The following RORA variants were observed in gnomAD, a reference collection of about 807,000 sequenced individuals.
RORA encodes the protein nuclear receptor ROR-alpha.
In RORA, 7 loss-of-function variants were observed where a neutral mutation model predicts 69.5. The observed-to-expected ratio is 0.10, with a 90% confidence interval of 0.06 to 0.19. RORA has a LOEUF of 0.19. Ranked by LOEUF, RORA falls within the 10% of genes least tolerant of loss-of-function variation. RORA has a pLI of 1.00. For missense variants in RORA, 457 were observed against 663.0 expected (o/e 0.69, Z 3.41); for synonymous variants, 261 against 240.8 (o/e 1.08, Z -0.78).
At chr15:61,200,362 G>A (rs1268444716) in intron 1 of RORA, among the ~76,000 whole-genome samples, 4 of 152,166 alleles carry the variant, frequency 2.6e-5, no homozygotes, top group Admixed American at 6.5e-5. Flanking sequence ...GCAAAGGCAT[G>A]CAGAGTGGTG....
At chr15:60,928,315 G>A (rs994744781) in intron 1 of RORA, among the ~76,000 whole-genome samples, 16 of 152,160 alleles carry the variant, frequency 1.1e-4, no homozygotes, top group Admixed American at 3.9e-4. Flanking sequence ...AGTAAATGAG[G>A]GTTTCTTCCA....
intron 2 of RORA, among the ~76,000 whole-genome samples, chr15:60,560,094 T>C (rs1349303413): frequency 6.6e-6 from 1 of 152,128 alleles, no homozygotes; most frequent in South Asian, 2.1e-4. Context: ...AAAAAGTTTA[T>C]CACAGCAACT....
chr15:60,763,961 G>GAGTT (rs2140874914), intron 1 of RORA: 1 of 152,264 alleles, frequency 6.6e-6, no homozygotes, highest in Non-Finnish European at 1.5e-5. Flanking sequence ...TAGAGTGAGT[G>GAGTT]AGAGGACCTC....
chr15:60,695,606 A>G (rs2070891708), intron 1 of RORA, among the ~76,000 whole-genome samples: 1 of 152,192 alleles, frequency 6.6e-6, no homozygotes. Context: ...CCAAGGTAAC[A>G]GAACAAAGAA....
chr15:61,183,533 CAAAAAAAAA>C (rs11392772), intron 1 of RORA, among the ~76,000 whole-genome samples: 2 of 130,688 alleles, frequency 1.5e-5, no homozygotes, highest in African/African-American at 3.0e-5. Flanking sequence ...GAGACTGTTT[CAAAAAAAAA>C]AAAAAAAGGA....
chr15:61,200,981 T>C lies in RORA; in HGVS notation c.166+28072A>G, dbSNP rs140702850. 1.2e-3 allele frequency among the ~76,000 whole-genome samples: 187 copies of C among 152,374 alleles called. 1 individual carries two copies. Among genetic ancestry groups the C allele is most frequent in the African/African-American group, 4.4e-3 (181 of 41,590 alleles). ...GCGGAAGCCGACTTGTTTTAACAAA[T>C]GCAGAAGACTACATATTTTTCCACA... is the stretch of plus-strand genomic sequence containing the variant. On this transcript the variant is annotated intron_variant, in intron 1 of 10. Coordinates refer to ENST00000335670, the MANE Select transcript of RORA (RefSeq NM_134261.3).
At chr15:60,749,237 A>C (rs1658615213) in intron 1 of RORA, among the ~76,000 whole-genome samples, 1 of 152,198 alleles carries the variant, frequency 6.6e-6, no homozygotes, top group Non-Finnish European at 1.5e-5. Flanking sequence ...CTGTCTTTAA[A>C]AGTTTAGTAC....
chr15:61,139,030 G>A (rs2079272260), intron 1 of RORA, among the ~76,000 whole-genome samples: 1 of 151,942 alleles, frequency 6.6e-6, no homozygotes, highest in Non-Finnish European at 1.5e-5. Flanking sequence ...TGTAGTCCCA[G>A]GTACTCGGGA....
intron 3 of RORA, among the ~76,000 whole-genome samples, chr15:60,519,754 T>C (rs1567056011): frequency 3.3e-5 from 5 of 152,158 alleles, no homozygotes. Context: ...GAGTCCATCA[T>C]TTTTCCTCAT....
chr15:60,760,580 T>C (rs2071870953), intron 1 of RORA, among the ~76,000 whole-genome samples: 2 of 152,152 alleles, frequency 1.3e-5, no homozygotes, highest in Non-Finnish European at 1.5e-5. Context: ...CGTATGAATA[T>C]TTATGGAATA....
chr15:60,766,723 G>A (rs1471661989), intron 1 of RORA, among the ~76,000 whole-genome samples: 1 of 151,962 alleles, frequency 6.6e-6, no homozygotes, highest in African/African-American at 2.4e-5. Context: ...TTCTTGCTGG[G>A]GCCGAGTTTT....
At chr15:60,570,046 G>A (rs1056062883) in intron 2 of RORA, among the ~76,000 whole-genome samples, 15 of 152,268 alleles carry the variant, frequency 9.9e-5, no homozygotes, top group African/African-American at 2.9e-4. Flanking sequence ...CAATGTGAGC[G>A]TGAGATCCTT....
At chr15:60,979,833 TTCTC>T (rs1893987838) in intron 1 of RORA, among the ~76,000 whole-genome samples, 1 of 152,148 alleles carries the variant, frequency 6.6e-6, no homozygotes. Flanking sequence ...CTAATCTGGA[TTCTC>T]TCTTTCTCTC....
At position 60,925,953 on chromosome 15, in the gene RORA, G is replaced by A. The variant is rs575597151; in HGVS notation, c.167-247267C>T. ...TTAAACTCTTAACACATCACATGGT[G>A]ACCAAAAATGCTGAGGCCATATCTG... On this transcript the variant is annotated intron_variant, in intron 1 of 10. Coordinates refer to ENST00000335670, the MANE Select transcript of RORA (RefSeq NM_134261.3). Among the ~76,000 whole-genome samples the A allele has an allele frequency of 1.3e-5, 2 of 152,196 alleles. 1 individual carries two copies. The highest frequency in any genetic ancestry group is 4.1e-4 in the South Asian group (2 of 4,822).
chr15:60,845,161 C>A (rs1182493000), intron 1 of RORA, among the ~76,000 whole-genome samples: 5 of 152,172 alleles, frequency 3.3e-5, no homozygotes, highest in Non-Finnish European at 7.3e-5. Flanking sequence ...CATACAGCAA[C>A]CTTGAAGTGC....
At chr15:60,883,282 A>G (rs1352178682) in intron 1 of RORA, among the ~76,000 whole-genome samples, 2 of 152,194 alleles carry the variant, frequency 1.3e-5, no homozygotes, top group East Asian at 3.8e-4. Context: ...TCATAGGAAA[A>G]GGATGGATAC....
intron 1 of RORA, among the ~76,000 whole-genome samples, chr15:60,947,688 T>TAAAAA (rs35887206): frequency 0.038 from 3,875 of 102,192 alleles, 138 homozygotes; most frequent in Admixed American, 0.042. Flanking sequence ...GAATGATCAA[T>TAAAAA]AAAAAAAAAA....
intron 2 of RORA, among the ~76,000 whole-genome samples, chr15:60,666,871 T>A (rs1299753926): frequency 6.6e-6 from 1 of 152,142 alleles, no homozygotes; most frequent in African/African-American, 2.4e-5. Context: ...TACTTAGAAT[T>A]TAGACTCCTC....
intron 1 of RORA, among the ~76,000 whole-genome samples, chr15:60,805,660 A>C (rs2072649717): frequency 6.6e-6 from 1 of 152,218 alleles, no homozygotes; most frequent in Non-Finnish European, 1.5e-5. Flanking sequence ...TATCATTGAT[A>C]TAGGATTACA....
Sources: gnomAD v4.1 joint callset for allele counts (sites outside exome capture counted in the v4.1 genomes callset) on GRCh38, gnomAD v4.1.1 for gene constraint, MANE v1.5 for transcripts, NCBI Gene and HGNC (gene_info 2026-07-23, HGNC 2026-07-21) for gene names.